RFK: variants seen among roughly 807,000 people sequenced by gnomAD.
RFK encodes the protein riboflavin kinase.
Under a neutral mutation model 17.6 loss-of-function variants are expected in RFK, and 4 were observed. The observed-to-expected ratio is 0.23, with a 90% confidence interval of 0.11 to 0.52. The LOEUF is 0.52. RFK is among the 20% of genes least tolerant of loss of function. RFK has a pLI of 0.96. For missense variants in RFK, 189 were observed against 187.7 expected, an observed-to-expected ratio of 1.01 and a Z score of -0.04; for synonymous variants, 59 against 63.8, an observed-to-expected ratio of 0.92 and a Z score of 0.36.
In RFK at chr9:76,387,227, T is replaced by G; in HGVS notation, c.*172A>C. 1 of 569,972 alleles carries G rather than the reference T, an allele frequency of 1.8e-6. No individual in the cohort carries two copies. Among genetic ancestry groups the G allele is most frequent in the South Asian group, 2.7e-5 (1 of 37,486 alleles). 35.3% of individuals were successfully genotyped at this position (569,972 alleles called of 1,614,324 possible). A position where few individuals can be genotyped will look rare whatever the true frequency, so the allele number is the denominator to read the frequency against. On this transcript the variant is annotated 3_prime_UTR_variant, in exon 4 of 4. Transcript: ENST00000376736. ...CAATCTTTTTAGTGCTATGATATGA[T>G]GGGCTTAATTTAATAGTTGAAGCAT...
At position 76,394,195 on chromosome 9, in the gene RFK, G is replaced by A. The variant is rs1281049773; in HGVS notation, c.-24C>T. On this transcript the variant is annotated 5_prime_UTR_variant, in exon 1 of 4. Coordinates refer to ENST00000376736, the MANE Select transcript of RFK (RefSeq NM_018339.6). ...ATAATGCAGTCCGCTCGGGGAATGG[G>A]CTGCGGCCCGGTCTGCGCGTCCTGC... 1 of 1,565,318 alleles carries A rather than the reference G, an allele frequency of 6.4e-7. No individual in the cohort carries two copies. The highest frequency in any genetic ancestry group is 1.9e-5 in the Admixed American group (1 of 53,160).
chr9:76,393,670 T>A, intron 1 of RFK: 1 of 188,438 alleles, frequency 5.3e-6, no homozygotes, highest in Non-Finnish European at 1.1e-5. Context: ...CTACCTATGT[T>A]ATCATTTGGA....
At chr9:76,392,293 C>A in intron 2 of RFK, 125 bp downstream of exon 2, 1 of 970,866 alleles carries the variant, frequency 1.0e-6, no homozygotes, top group Non-Finnish European at 1.5e-6. Context: ...AGAGATTGCC[C>A]AAAATTCCAG....
intron 1 of RFK, chr9:76,393,662 ACCTATGTT>A: frequency 1.7e-5 from 3 of 180,078 alleles, no homozygotes; most frequent in South Asian, 1.4e-4. Context: ...TCATTCAACT[ACCTATGTT>A]ATCATTTGGA....
At position 76,388,104 on chromosome 9, in the gene RFK, A is replaced by G. The variant is rs1228600028; in HGVS notation, c.337+450T>C. On this transcript the variant is annotated intron_variant, in intron 3 of 3. Coordinates refer to ENST00000376736, the MANE Select transcript of RFK (RefSeq NM_018339.6). ...CAAATGGAGGAAAAAAGCATTCACT[A>G]TTATTTTTGGTTGGTATTTACACTT... 4 of 354,648 alleles carry G rather than the reference A, an allele frequency of 1.1e-5. No homozygotes were observed. In the East Asian group the frequency reaches 2.4e-4, roughly 21 times the overall value. The allele number at this position is 354,648 out of a possible 1,614,324, so 22.0% of individuals were successfully genotyped here.
In RFK at chr9:76,385,835, A is replaced by G. The variant is rs1285731185; in HGVS notation, c.*1564T>C. 6.6e-6 allele frequency: 1 copy of G among 152,212 alleles called. No individual in the cohort carries two copies. Among genetic ancestry groups the G allele is most frequent in the Non-Finnish European group, 1.5e-5 (1 of 68,030 alleles). 9.4% of individuals were successfully genotyped at this position (152,212 alleles called of 1,614,324 possible). On this transcript the variant is annotated 3_prime_UTR_variant, in exon 4 of 4. Coordinates refer to ENST00000376736, the MANE Select transcript of RFK (RefSeq NM_018339.6). ...TTAACTTTACTTCATAAAGCCACTGATAATTGAGGTTTCTTTCAAGTATAA... is the reference window on the plus strand; with the variant it reads ...TTAACTTTACTTCATAAAGCCACTGGTAATTGAGGTTTCTTTCAAGTATAA...
intron 1 of RFK, 47 bp downstream of exon 1, chr9:76,394,043 C>T (rs1049914341): frequency 1.3e-6 from 2 of 1,536,786 alleles, no homozygotes; most frequent in East Asian, 2.4e-5. Context: ...TCTCTCCCCG[C>T]TCCCCACGTG....
intron 1 of RFK, 74 bp from the exon 2 acceptor site, chr9:76,392,643 A>G: frequency 3.5e-6 from 5 of 1,443,482 alleles, no homozygotes; most frequent in Non-Finnish European, 3.8e-6. Context: ...GCAGTGGCTC[A>G]TGTCTGTAAT....
intron 3 of RFK, 146 bp downstream of exon 3, chr9:76,388,408 G>A (rs2501926): frequency 0.93 from 601,318 of 644,000 alleles, 281,345 homozygotes; most frequent in East Asian, 1. Context: ...AAAGAAGATA[G>A]ATTCACGTAA....
intron 2 of RFK, among the ~76,000 whole-genome samples, chr9:76,389,231 C>T (rs746825430): frequency 5.9e-5 from 9 of 152,162 alleles, no homozygotes; most frequent in South Asian, 2.1e-4. Context: ...TCAGCTAAAT[C>T]ATCTGGGCAG....
chr9:76,393,235 C>G (rs1822841356), intron 1 of RFK, among the ~76,000 whole-genome samples: 1 of 142,996 alleles, frequency 7.0e-6, no homozygotes. Flanking sequence ...GAGACGGTGT[C>G]TCACTCTGTC....
rs1822731376 is a variant in RFK at position 76,386,305 on chromosome 9, C to T, written c.*1094G>A. Reference sequence around the variant, plus strand: ...AAATTACATCGTGCATATACAACTACACCCATTTAGATTTGCCTTGGAATA... The same window carrying T: ...AAATTACATCGTGCATATACAACTATACCCATTTAGATTTGCCTTGGAATA... On this transcript the variant is annotated 3_prime_UTR_variant, in exon 4 of 4. Coordinates refer to ENST00000376736, the MANE Select transcript of RFK (RefSeq NM_018339.6). The T allele has an allele frequency of 6.6e-6, 1 of 152,148 alleles. No homozygotes were observed. The highest frequency in any genetic ancestry group is 1.5e-5 in the Non-Finnish European group (1 of 68,020). The allele number at this position is 152,148 out of a possible 1,614,324, so 9.4% of individuals were successfully genotyped here.
chr9:76,390,147 A>T (rs1454780784), intron 2 of RFK, among the ~76,000 whole-genome samples: 3 of 152,232 alleles, frequency 2.0e-5, no homozygotes, highest in African/African-American at 4.8e-5. Flanking sequence ...TTTTCAATGA[A>T]TAGGCTGGGT....
rs1419655788 is a variant in RFK at position 76,394,167 on chromosome 9, C to G, written c.5G>C (p.Arg2Thr). ...ACCCCGGCAGAAGTAAGGCAGGTGCCTCATAATGCAGTCCGCTCGGGGAAT... is the reference window on the plus strand; with the variant it reads ...ACCCCGGCAGAAGTAAGGCAGGTGCGTCATAATGCAGTCCGCTCGGGGAAT... M[R>T]HLPYFCRGQV... is the part of the protein sequence containing the mutation. The change falls in exon 1 of 4, where the codon AGG (arginine) becomes ACG (threonine). Residue 2 changes from arginine to threonine, a missense_variant. Arg to Thr is a moderately conservative substitution (Grantham distance 71). This residue lies in a region of RFK where 90 missense variants were observed against 75.4 expected (regional missense o/e 1.19). Coordinates refer to ENST00000376736, the MANE Select transcript of RFK (RefSeq NM_018339.6). 1 of 1,603,906 alleles carries G rather than the reference C, an allele frequency of 6.2e-7. No homozygotes were observed. Among genetic ancestry groups the G allele is most frequent in the East Asian group, 2.2e-5 (1 of 44,452 alleles).
chr9:76,394,204 C>T lies in RFK; in HGVS notation c.-33G>A, dbSNP rs763491229. ...TCCGCTCGGGGAATGGGCTGCGGCC[C>T]GGTCTGCGCGTCCTGCGGAGCCGCC... On this transcript the variant is annotated 5_prime_UTR_variant, in exon 1 of 4. Coordinates refer to ENST00000376736, the MANE Select transcript of RFK (RefSeq NM_018339.6). 3 of 1,555,510 alleles carry T rather than the reference C, an allele frequency of 1.9e-6. No individual in the cohort carries two copies. The highest frequency in any genetic ancestry group is 1.9e-5 in the Admixed American group (1 of 52,028).
At position 76,387,355 on chromosome 9, in the gene RFK, G is replaced by A. The variant is rs1822751581; in HGVS notation, c.*44C>T. 1.3e-6 allele frequency: 2 copies of A among 1,560,450 alleles called. No individual in the cohort carries two copies. Among genetic ancestry groups the A allele is most frequent in the South Asian group, 1.1e-5 (1 of 88,368 alleles). On this transcript the variant is annotated 3_prime_UTR_variant, in exon 4 of 4. Coordinates refer to ENST00000376736, the MANE Select transcript of RFK (RefSeq NM_018339.6). ...ATGATGCTGAACAGTAATAAACACA[G>A]AAACACTAGAAAACAGTGAATGAAT...
intron 2 of RFK, 27 bp from the exon 3 acceptor site, chr9:76,388,683 T>C (rs755265538): frequency 7.3e-7 from 1 of 1,363,760 alleles, no homozygotes; most frequent in East Asian, 2.3e-5. Flanking sequence ...TTACAAAGAG[T>C]GCTATCAGAC....
intron 2 of RFK, among the ~76,000 whole-genome samples, chr9:76,388,896 A>C (rs1822778730): frequency 6.6e-6 from 1 of 152,206 alleles, no homozygotes; most frequent in South Asian, 2.1e-4. Flanking sequence ...TGTTACTTAA[A>C]AACAAACAAA....
Position 76,387,564 on chromosome 9 carries a change from A to G in RFK, c.338-35T>C, listed in dbSNP as rs755613976. The G allele has an allele frequency of 3.4e-5, 54 of 1,583,590 alleles. No individual in the cohort carries two copies. In the East Asian group the frequency reaches 1.1e-3, roughly 32 times the overall value. On this transcript the variant is annotated intron_variant, in intron 3 of 3. Coordinates refer to ENST00000376736, the MANE Select transcript of RFK (RefSeq NM_018339.6). The stretch of plus-strand genomic sequence containing the variant: ...GAATATACCAGGTAAAAATGATGAA[A>G]AACCATTAACATACTTTTTACTACT...
Sources: allele counts gnomAD v4.1 joint callset (sites outside exome capture counted in the v4.1 genomes callset), GRCh38; gene constraint gnomAD v4.1.1; regional missense constraint gnomAD v4.1.1; transcripts MANE v1.5; gene names NCBI Gene and HGNC (gene_info 2026-07-23, HGNC 2026-07-21).